The following GRM7 variants were observed in gnomAD, a reference collection of about 807,000 sequenced individuals.
GRM7 encodes the protein metabotropic glutamate receptor 7.
In GRM7, 35 loss-of-function variants were observed where a neutral mutation model predicts 84.5. That is an observed-to-expected ratio of 0.41 (90% CI 0.32 to 0.55). The LOEUF (loss-of-function observed/expected upper bound fraction) is 0.55. GRM7 is among the 20% of genes least tolerant of loss of function. The probability of loss-of-function intolerance (pLI) is 0.19; values close to 1 mark genes in which losing one functional copy is unlikely to be tolerated. For synonymous variants in GRM7, 487 were observed against 455.1 expected (o/e 1.07, Z -0.89); for missense variants, 1,003 against 1,194.6 (o/e 0.84, Z 2.36).
chr3:7,153,664 G>A (rs1168286253), intron 2 of GRM7, among the ~76,000 whole-genome samples: 1 of 152,028 alleles, frequency 6.6e-6, no homozygotes, highest in Non-Finnish European at 1.5e-5. Flanking sequence ...AACTTTATAG[G>A]AGGGAAAAAA....
At chr3:7,067,338 T>G (rs756763456) in intron 1 of GRM7, among the ~76,000 whole-genome samples, 2 of 151,898 alleles carry the variant, frequency 1.3e-5, no homozygotes, top group Non-Finnish European at 2.9e-5. Context: ...GATACAAGAT[T>G]AATGTACACA....
chr3:7,249,183 G>A (rs1697886944), intron 2 of GRM7, among the ~76,000 whole-genome samples: 1 of 152,150 alleles, frequency 6.6e-6, no homozygotes, highest in African/African-American at 2.4e-5. Flanking sequence ...ATCTCAAAGA[G>A]GTTTTGTGAC....
At chr3:7,184,188 T>A (rs1015581538) in intron 2 of GRM7, among the ~76,000 whole-genome samples, 2 of 152,158 alleles carry the variant, frequency 1.3e-5, no homozygotes, top group African/African-American at 4.8e-5. Flanking sequence ...CTATGTAGCA[T>A]ACTTTTATAG....
At chr3:7,339,802 G>A (rs1701569865) in intron 4 of GRM7, among the ~76,000 whole-genome samples, 2 of 152,098 alleles carry the variant, frequency 1.3e-5, no homozygotes, top group South Asian at 4.1e-4. Context: ...TTCCTAAATG[G>A]ATGGTTGAAT....
At chr3:6,949,534 T>C (rs1344178044) in intron 1 of GRM7, among the ~76,000 whole-genome samples, 1 of 151,984 alleles carries the variant, frequency 6.6e-6, no homozygotes, top group Non-Finnish European at 1.5e-5. Context: ...ATTATGTGTC[T>C]TGGAGTTGCT....
At position 6,985,745 on chromosome 3, in the gene GRM7, A is replaced by C. The variant is rs536071440; in HGVS notation, c.519+123838A>C. On this transcript the variant is annotated intron_variant, in intron 1 of 9. Coordinates refer to ENST00000357716, the MANE Select transcript of GRM7 (RefSeq NM_000844.4). The stretch of plus-strand genomic sequence containing the variant: ...AGAAAAGGATGATAATACTGGCTGA[A>C]GCAGTTGGGCCTAGCAGGAACAAAA... 1.4e-4 allele frequency among the ~76,000 whole-genome samples: 22 copies of C among 152,328 alleles called. No individual in the cohort carries two copies. In the South Asian group the frequency reaches 4.3e-3, roughly 30 times the overall value.
rs556599166 is a variant in GRM7 at position 7,135,157 on chromosome 3, A to G, written c.520-11295A>G. ...AGTTATCTCTCAGTAGTTTGGAATA[A>G]ATTAATAAAAATTAAATTACCCCCA... On this transcript the variant is annotated intron_variant, in intron 1 of 9. Transcript: ENST00000357716. Among the ~76,000 whole-genome samples, 6 of 152,326 alleles carry G rather than the reference A, an allele frequency of 3.9e-5. No individual in the cohort carries two copies. In the South Asian group the frequency reaches 1.2e-3, roughly 32 times the overall value.
intron 4 of GRM7, among the ~76,000 whole-genome samples, chr3:7,331,178 C>G (rs76069261): frequency 6.6e-6 from 1 of 152,106 alleles, no homozygotes; most frequent in African/African-American, 2.4e-5. Flanking sequence ...AAAATAAAGG[C>G]TGGCACACAT....
At chr3:7,036,569 A>G (rs116363539) in intron 1 of GRM7, among the ~76,000 whole-genome samples, 4,598 of 152,292 alleles carry the variant, frequency 0.03, 247 homozygotes, top group African/African-American at 0.1. Flanking sequence ...GTATAGTCCA[A>G]CTATAATTCA....
chr3:7,243,833 A>G (rs1279484244), intron 2 of GRM7, among the ~76,000 whole-genome samples: 1 of 152,150 alleles, frequency 6.6e-6, no homozygotes, highest in Non-Finnish European at 1.5e-5. Flanking sequence ...CTCCTAGGCT[A>G]CAAACCTGTA....
intron 1 of GRM7, among the ~76,000 whole-genome samples, chr3:6,865,697 G>A (rs1370654671): frequency 6.6e-6 from 1 of 152,040 alleles, no homozygotes; most frequent in Admixed American, 6.6e-5. Context: ...TCTGTTAATT[G>A]AAACTTGAAT....
At chr3:7,731,722 C>A (rs963997880) in intron 9 of GRM7, among the ~76,000 whole-genome samples, 1 of 152,164 alleles carries the variant, frequency 6.6e-6, no homozygotes, top group African/African-American at 2.4e-5. Context: ...CCCAATTACA[C>A]CTGCAAATAA....
intron 4 of GRM7, among the ~76,000 whole-genome samples, chr3:7,404,012 G>A (rs1218250157): frequency 1.3e-5 from 2 of 152,066 alleles, no homozygotes; most frequent in African/African-American, 4.8e-5. Flanking sequence ...CACCTGGGAA[G>A]CTAAAAACAT....
intron 1 of GRM7, among the ~76,000 whole-genome samples, chr3:6,864,892 G>A (rs1463461363): frequency 6.6e-6 from 1 of 152,220 alleles, no homozygotes; most frequent in Non-Finnish European, 1.5e-5. Context: ...TAGTGTCTAT[G>A]ACTTTGAATT....
chr3:7,276,439 C>G (rs964453968), intron 2 of GRM7, among the ~76,000 whole-genome samples: 1 of 151,852 alleles, frequency 6.6e-6, no homozygotes, highest in Non-Finnish European at 1.5e-5. Context: ...CATTGCATGG[C>G]GATCCTCCCT....
chr3:7,356,494 G>T (rs1052289131), intron 4 of GRM7, among the ~76,000 whole-genome samples: 6 of 151,898 alleles, frequency 4.0e-5, no homozygotes, highest in African/African-American at 1.5e-4. Flanking sequence ...TACAGATGAG[G>T]TTTCACTATG....
chr3:6,910,206 C>T (rs1696718911), intron 1 of GRM7, among the ~76,000 whole-genome samples: 1 of 152,098 alleles, frequency 6.6e-6, no homozygotes, highest in Admixed American at 6.6e-5. Context: ...ATTGAGTAGA[C>T]TCATCACTAA....
At chr3:7,339,706 A>G (rs551563582) in intron 4 of GRM7, among the ~76,000 whole-genome samples, 31 of 152,194 alleles carry the variant, frequency 2.0e-4, no homozygotes, top group African/African-American at 7.0e-4. Flanking sequence ...AACAAAGTCA[A>G]TCATATCTAA....
intron 4 of GRM7, among the ~76,000 whole-genome samples, chr3:7,378,636 C>T (rs963202360): frequency 6.6e-6 from 1 of 152,052 alleles, no homozygotes; most frequent in African/African-American, 2.4e-5. Flanking sequence ...ATTTTAGAGA[C>T]TTTTAAAAAC....
Sources: allele counts gnomAD v4.1 joint callset (sites outside exome capture counted in the v4.1 genomes callset), GRCh38; gene constraint gnomAD v4.1.1; transcripts MANE v1.5; gene names NCBI Gene and HGNC (gene_info 2026-07-23, HGNC 2026-07-21).